ME3: variants seen among roughly 807,000 people sequenced by gnomAD.
The protein encoded by ME3 is malic enzyme 3, also known as NADP-dependent malic enzyme, mitochondrial.
A neutral mutation model predicts 68.9 loss-of-function variants in ME3; 48 were observed. The observed-to-expected ratio is 0.70, with a 90% CI of 0.55 to 0.89. ME3 has a LOEUF of 0.89. ME3 is among the 40% of genes least tolerant of loss of function. ME3 has a pLI of 0.00. For missense variants in ME3, 675 were observed against 797.4 expected (o/e 0.85, Z 1.85); for synonymous variants, 320 against 318.8 (o/e 1.00, Z -0.04).
At chr11:86,550,748 A>G (rs1192302637) in intron 4 of ME3, among the ~76,000 whole-genome samples, 1 of 151,960 alleles carries the variant, frequency 6.6e-6, no homozygotes, top group Admixed American at 6.6e-5. Flanking sequence ...ATTCCCAACC[A>G]ACGGACACCT....
intron 2 of ME3, among the ~76,000 whole-genome samples, chr11:86,612,469 A>G (rs1479381466): frequency 6.6e-6 from 1 of 152,154 alleles, no homozygotes; most frequent in Non-Finnish European, 1.5e-5. Flanking sequence ...CTGGTTCTAG[A>G]TCCTTGAGGA....
At chr11:86,512,185 C>T (rs1409123496) in intron 4 of ME3, among the ~76,000 whole-genome samples, 2 of 152,212 alleles carry the variant, frequency 1.3e-5, no homozygotes, top group Non-Finnish European at 2.9e-5. Flanking sequence ...ATTACAAGTT[C>T]ACATACCATT....
chr11:86,668,089 A>G (rs1946690581), intron 2 of ME3: 1 of 152,094 alleles, frequency 6.6e-6, no homozygotes, highest in Non-Finnish European at 1.5e-5. Context: ...CAATTCTGTC[A>G]CCATCAGGAA....
intron 10 of ME3, among the ~76,000 whole-genome samples, chr11:86,448,458 G>T (rs1949447464): frequency 6.6e-6 from 1 of 152,204 alleles, no homozygotes; most frequent in Non-Finnish European, 1.5e-5. Context: ...GGGTGTGTGT[G>T]TGTGTGCATG....
chr11:86,646,259 A>G (rs1316660440), intron 2 of ME3, among the ~76,000 whole-genome samples: 1 of 152,192 alleles, frequency 6.6e-6, no homozygotes, highest in Admixed American at 6.5e-5. Flanking sequence ...CCTCCAAGCT[A>G]AAGGAGCATA....
chr11:86,567,205 G>A (rs1022431635), intron 2 of ME3, among the ~76,000 whole-genome samples: 2 of 147,562 alleles, frequency 1.4e-5, no homozygotes, highest in Admixed American at 1.4e-4. Context: ...CAACAAGAGT[G>A]AAACTCTGTC....
At chr11:86,655,125 A>G (rs1173800779) in intron 2 of ME3, among the ~76,000 whole-genome samples, 2 of 152,268 alleles carry the variant, frequency 1.3e-5, no homozygotes, top group African/African-American at 4.8e-5. Flanking sequence ...AGAAGATTCT[A>G]TGCTCATGGG....
chr11:86,527,341 G>C (rs1177148847), intron 4 of ME3, among the ~76,000 whole-genome samples: 1 of 152,126 alleles, frequency 6.6e-6, no homozygotes, highest in East Asian at 1.9e-4. Flanking sequence ...AACGAACAAA[G>C]CCTCCAAGAA....
At chr11:86,600,009 G>C (rs531050297) in intron 2 of ME3, among the ~76,000 whole-genome samples, 314 of 152,232 alleles carry the variant, frequency 2.1e-3, no homozygotes, top group Non-Finnish European at 3.8e-3. Flanking sequence ...AAAATGTAAA[G>C]ACTATCAAGA....
intron 4 of ME3, among the ~76,000 whole-genome samples, chr11:86,539,091 G>C (rs1341319925): frequency 4.6e-5 from 7 of 152,206 alleles, no homozygotes; most frequent in Admixed American, 4.6e-4. Context: ...TGACCATTTG[G>C]AGGAAGATGG....
rs905374196 is a variant in ME3, at chr11:86,593,697, T to C, written c.184-33874A>G. Among the ~76,000 whole-genome samples the C allele has an allele frequency of 8.9e-5, 13 of 146,840 alleles. 2 individuals carry two copies. The highest frequency in any genetic ancestry group is 1.9e-4 in the Non-Finnish European group (13 of 67,250). Reference sequence around the variant, plus strand: ...TTGTTCTATTTTCTTCCTATCTTTTTTCTATGCTTAAAAAAATTTTATTTA... The same window carrying C: ...TTGTTCTATTTTCTTCCTATCTTTTCTCTATGCTTAAAAAAATTTTATTTA... On this transcript the variant is annotated intron_variant, in intron 2 of 14. Transcript: ENST00000543262.
chr11:86,634,654 C>T (rs1386348975), intron 2 of ME3, among the ~76,000 whole-genome samples: 1 of 151,722 alleles, frequency 6.6e-6, no homozygotes, highest in African/African-American at 2.4e-5. Context: ...GACAGGATCA[C>T]ATTCACATGC....
chr11:86,541,052 C>T (rs1250077182), intron 4 of ME3, among the ~76,000 whole-genome samples: 2 of 152,182 alleles, frequency 1.3e-5, no homozygotes, highest in Admixed American at 6.5e-5. Flanking sequence ...GAACTCCCTC[C>T]CCTAGCCAAG....
intron 2 of ME3, among the ~76,000 whole-genome samples, chr11:86,609,215 G>T (rs1337494606): frequency 2.6e-5 from 4 of 152,158 alleles, no homozygotes; most frequent in African/African-American, 9.7e-5. Flanking sequence ...GCAGGACTCA[G>T]CAAGATTAAT....
At chr11:86,540,728 C>T (rs756388980) in intron 4 of ME3, among the ~76,000 whole-genome samples, 2 of 152,120 alleles carry the variant, frequency 1.3e-5, no homozygotes, top group Non-Finnish European at 2.9e-5. Context: ...AGGGGCTGGC[C>T]AGCTGAGGTT....
At position 86,441,449 on chromosome 11, in the gene ME3, A is replaced by G. The variant is rs775579423; in HGVS notation, c.1654-9T>C. 6.3e-7 allele frequency: 1 copy of G among 1,575,050 alleles called. No individual in the cohort carries two copies. Among genetic ancestry groups the G allele is most frequent in the Non-Finnish European group, 8.6e-7 (1 of 1,164,204 alleles). On this transcript the variant is annotated splice_polypyrimidine_tract_variant and intron_variant, in intron 14 of 14. Transcript: ENST00000543262. Reference sequence around the variant, plus strand: ...TACGCGTAGTCGAGAACCTAGAGAAAAACATGTTTGGCTAAGGAACCGGAT... The same window carrying G: ...TACGCGTAGTCGAGAACCTAGAGAAGAACATGTTTGGCTAAGGAACCGGAT...
chr11:86,470,596 T>C (rs1950730716), intron 7 of ME3, among the ~76,000 whole-genome samples: 2 of 152,216 alleles, frequency 1.3e-5, no homozygotes. Flanking sequence ...ATAAGAAACC[T>C]GTTTAACCCA....
intron 2 of ME3, among the ~76,000 whole-genome samples, chr11:86,575,763 A>T (rs1958065535): frequency 6.6e-6 from 1 of 152,204 alleles, no homozygotes; most frequent in Non-Finnish European, 1.5e-5. Flanking sequence ...CAGGGCCATG[A>T]CTTGGTCTTA....
At chr11:86,498,934 A>G (rs930233641) in intron 5 of ME3, among the ~76,000 whole-genome samples, 5 of 152,230 alleles carry the variant, frequency 3.3e-5, no homozygotes, top group Admixed American at 6.5e-5. Context: ...AAAAGCAAAT[A>G]TGCATGGACA....
Sources: gnomAD v4.1 joint callset for allele counts (sites outside exome capture counted in the v4.1 genomes callset) on GRCh38, gnomAD v4.1.1 for gene constraint, MANE v1.5 for transcripts, NCBI Gene and HGNC (gene_info 2026-07-23, HGNC 2026-07-21) for gene names.